The following GSDMC variants were observed in gnomAD, a reference collection of about 807,000 sequenced individuals.
The protein encoded by GSDMC is gasdermin C.
GSDMC carries 59 observed loss-of-function variants against 58.0 expected under a neutral mutation model. The observed-to-expected ratio is 1.02, with a 90% CI of 0.82 to 1.26. The LOEUF (loss-of-function observed/expected upper bound fraction) is 1.26, where lower values mean the gene tolerates loss of function less well. Among genes scored for constraint, GSDMC ranks in the 50% most tolerant of loss-of-function variants. The probability of loss-of-function intolerance (pLI) is 0.00; values close to 1 mark genes in which losing one functional copy is unlikely to be tolerated. For missense variants in GSDMC, 659 were observed against 598.5 expected (o/e 1.10, Z -1.06); for synonymous variants, 241 against 220.2 (o/e 1.09, Z -0.83).
At chr8:129,758,486 A>C (rs2033529273) in intron 6 of GSDMC, among the ~76,000 whole-genome samples, 1 of 152,234 alleles carries the variant, frequency 6.6e-6, no homozygotes, top group Admixed American at 6.5e-5. Flanking sequence ...TCCACTAAAA[A>C]AACTATTAGA....
chr8:129,758,125 A>G (rs888003008), intron 6 of GSDMC, among the ~76,000 whole-genome samples: 1 of 152,228 alleles, frequency 6.6e-6, no homozygotes, highest in African/African-American at 2.4e-5. Context: ...CCGTATGATC[A>G]TTTCAATTGA....
chr8:129,719,188 CA>C, the GSDMC span, among the ~76,000 whole-genome samples: 1 of 151,430 alleles, frequency 6.6e-6, no homozygotes, highest in Non-Finnish European at 1.5e-5. Flanking sequence ...AAAATAATAA[CA>C]AAAAAAATCT....
chr8:129,751,419 T>C, intron 10 of GSDMC, 123 bp downstream of exon 10: 1 of 744,572 alleles, frequency 1.3e-6, no homozygotes, highest in East Asian at 2.6e-5. Flanking sequence ...GTTTGTTTCA[T>C]GAGCAAAGTG....
the GSDMC span, among the ~76,000 whole-genome samples, chr8:129,726,456 G>T: frequency 6.6e-6 from 1 of 152,104 alleles, no homozygotes; most frequent in Non-Finnish European, 1.5e-5. Flanking sequence ...AAGGAGAGTG[G>T]CAGGCAGCAC....
At chr8:129,777,083 CT>C (rs2034258399) in intron 2 of GSDMC, among the ~76,000 whole-genome samples, 1 of 152,078 alleles carries the variant, frequency 6.6e-6, no homozygotes. Flanking sequence ...AGGTACATAA[CT>C]TTGAACAGAT....
intron 1 of GSDMC, among the ~76,000 whole-genome samples, chr8:129,780,270 T>G (rs1311566924): frequency 2.0e-5 from 3 of 152,122 alleles, no homozygotes; most frequent in Non-Finnish European, 4.4e-5. Flanking sequence ...GATACCAATA[T>G]TCAAGTACAA....
intron 3 of GSDMC, among the ~76,000 whole-genome samples, chr8:129,766,182 C>A (rs188899073): frequency 2.2e-4 from 34 of 152,278 alleles, no homozygotes; most frequent in Admixed American, 1.2e-3. Context: ...TGGGTATTCA[C>A]ACCGAACGTG....
the GSDMC span, among the ~76,000 whole-genome samples, chr8:129,709,563 G>T: frequency 1.3e-5 from 2 of 150,234 alleles, no homozygotes; most frequent in Non-Finnish European, 3.0e-5. Context: ...TAGATAGATG[G>T]TAGATGATAG....
chr8:129,771,041 ATT>A (rs1187449504), intron 3 of GSDMC, among the ~76,000 whole-genome samples: 3 of 149,824 alleles, frequency 2.0e-5, no homozygotes, highest in Non-Finnish European at 4.4e-5. Flanking sequence ...ATATGTATAT[ATT>A]TATATATATA....
At chr8:129,741,847 A>T in the GSDMC span, among the ~76,000 whole-genome samples, 5 of 151,206 alleles carry the variant, frequency 3.3e-5, no homozygotes, top group Non-Finnish European at 1.5e-5. Context: ...ATATTCATTG[A>T]TGTATTATTT....
chr8:129,784,914 T>TA (rs1353224240), intron 1 of GSDMC, among the ~76,000 whole-genome samples: 3 of 151,824 alleles, frequency 2.0e-5, no homozygotes, highest in Non-Finnish European at 4.4e-5. Context: ...TACTCAGCCA[T>TA]AAAAAAGAAT....
At chr8:129,743,574 A>G (rs1158365615), downstream of GSDMC, among the ~76,000 whole-genome samples, 1 of 152,134 alleles carries the variant, frequency 6.6e-6, no homozygotes, top group Non-Finnish European at 1.5e-5. Flanking sequence ...TTTATTAACT[A>G]ATTGATATGT....
At chr8:129,751,986 T>C (rs1187659171) in intron 8 of GSDMC, 95 bp from the exon 9 acceptor site, 1 of 1,456,238 alleles carries the variant, frequency 6.9e-7, no homozygotes, top group East Asian at 2.3e-5. Context: ...CTTCTCTATC[T>C]GTTCCTGCCC....
At chr8:129,782,720 G>T (rs1158100514) in intron 1 of GSDMC, among the ~76,000 whole-genome samples, 5 of 151,870 alleles carry the variant, frequency 3.3e-5, no homozygotes, top group African/African-American at 1.2e-4. Flanking sequence ...GTAATAAAAA[G>T]TCTCCCAGTA....
At chr8:129,753,491 A>C (rs1351584653) in intron 6 of GSDMC, among the ~76,000 whole-genome samples, 1 of 152,232 alleles carries the variant, frequency 6.6e-6, no homozygotes, top group Non-Finnish European at 1.5e-5. Context: ...AATAACCAGC[A>C]GCAGTACCCA....
intron 5 of GSDMC, among the ~76,000 whole-genome samples, chr8:129,761,171 G>A (rs1354653977): frequency 6.6e-6 from 1 of 152,130 alleles, no homozygotes; most frequent in Non-Finnish European, 1.5e-5. Context: ...ATGGAGATGA[G>A]ATCTTCTCTC....
At chr8:129,781,741 C>A (rs1456751874) in intron 1 of GSDMC, among the ~76,000 whole-genome samples, 2 of 116,072 alleles carry the variant, frequency 1.7e-5, no homozygotes, top group Non-Finnish European at 3.3e-5. Context: ...CAGAGCGAGA[C>A]TCCATCTCAA....
At chr8:129,785,444 T>A (rs1397909410) in intron 1 of GSDMC, among the ~76,000 whole-genome samples, 1 of 151,544 alleles carries the variant, frequency 6.6e-6, no homozygotes, top group African/African-American at 2.4e-5. Context: ...ACAAAAAAAA[T>A]AGTTAGACTG....
chr8:129,729,308 G>GC, the GSDMC span: 1 of 546,918 alleles, frequency 1.8e-6, no homozygotes, highest in Non-Finnish European at 3.5e-6. Flanking sequence ...CATGAAATTT[G>GC]TTTTTTTTAA....
Sources: allele counts gnomAD v4.1 joint callset (sites outside exome capture counted in the v4.1 genomes callset), GRCh38; gene constraint gnomAD v4.1.1; transcripts MANE v1.5; gene names NCBI Gene and HGNC (gene_info 2026-07-23, HGNC 2026-07-21).